Variants in ATP8A2 observed in about 807,000 individuals in gnomAD.
The protein encoded by ATP8A2 is phospholipid-transporting ATPase IB.
ATP8A2 carries 100 observed loss-of-function variants against 165.6 expected under a neutral mutation model. That is an observed-to-expected ratio of 0.60 (90% CI 0.51 to 0.71). The LOEUF is 0.71. Among genes scored for constraint, ATP8A2 ranks in the 30% least tolerant of loss-of-function variants. The pLI is 0.00. For missense variants in ATP8A2, 1,227 were observed against 1,479.5 expected (o/e 0.83, Z 2.80); for synonymous variants, 543 against 548.8 (o/e 0.99, Z 0.15).
intron 33 of ATP8A2, among the ~76,000 whole-genome samples, chr13:25,951,657 G>A (rs1955364861): frequency 6.6e-6 from 1 of 152,120 alleles, no homozygotes; most frequent in Non-Finnish European, 1.5e-5. Flanking sequence ...TCATCTTCCT[G>A]GGGGATGTAT....
chr13:25,545,840 G>T (rs2038633007), intron 10 of ATP8A2, among the ~76,000 whole-genome samples: 1 of 152,138 alleles, frequency 6.6e-6, no homozygotes, highest in Non-Finnish European at 1.5e-5. Context: ...TCACCATGTT[G>T]CCCAGGCTGG....
At chr13:25,861,669 G>A (rs769201206) in intron 32 of ATP8A2, among the ~76,000 whole-genome samples, 27 of 152,208 alleles carry the variant, frequency 1.8e-4, no homozygotes, top group Admixed American at 4.6e-4. Context: ...GTAGTGAGAA[G>A]TGGTCGGAGT....
At chr13:25,568,782 C>T (rs2039388080) in intron 16 of ATP8A2, among the ~76,000 whole-genome samples, 1 of 152,024 alleles carries the variant, frequency 6.6e-6, no homozygotes, top group South Asian at 2.1e-4. Context: ...TAGTTTACCA[C>T]AATACAAATT....
intron 24 of ATP8A2, among the ~76,000 whole-genome samples, chr13:25,683,702 TTTA>T (rs1209318462): frequency 1.3e-5 from 2 of 152,000 alleles, no homozygotes; most frequent in Non-Finnish European, 2.9e-5. Context: ...TTTTTTTTTT[TTTA>T]TTATGAGTCT....
intron 16 of ATP8A2, among the ~76,000 whole-genome samples, chr13:25,568,242 A>G (rs1311081816): frequency 6.6e-6 from 1 of 152,172 alleles, no homozygotes; most frequent in Non-Finnish European, 1.5e-5. Flanking sequence ...TACATTGCTA[A>G]CCAGTGTGTG....
At chr13:25,530,725 C>T (rs993942314) in intron 4 of ATP8A2, 65 bp downstream of exon 4, 8 of 1,007,394 alleles carry the variant, frequency 7.9e-6, no homozygotes, top group South Asian at 2.8e-5. Flanking sequence ...TGTGTTGCCT[C>T]GGGTGATATA....
At chr13:25,677,381 C>T (rs1428463042) in intron 24 of ATP8A2, among the ~76,000 whole-genome samples, 2 of 152,162 alleles carry the variant, frequency 1.3e-5, no homozygotes, top group Non-Finnish European at 2.9e-5. Context: ...TAAATGTGAA[C>T]TCTTTAGCCT....
chr13:25,732,841 A>G (rs2043681906), intron 25 of ATP8A2, among the ~76,000 whole-genome samples: 1 of 152,152 alleles, frequency 6.6e-6, no homozygotes, highest in African/African-American at 2.4e-5. Flanking sequence ...TTTGTCCCAC[A>G]GGTGTGAATA....
chr13:25,994,023 G>A (rs1956444469), intron 35 of ATP8A2, among the ~76,000 whole-genome samples: 1 of 152,108 alleles, frequency 6.6e-6, no homozygotes, highest in Non-Finnish European at 1.5e-5. Flanking sequence ...TCAGCATTGT[G>A]TAGCTTTTAG....
rs556064857 is a variant in ATP8A2, at chr13:25,668,024, A to C, written c.2212-31149A>C. 2.6e-5 allele frequency among the ~76,000 whole-genome samples: 4 copies of C among 152,190 alleles called. No homozygotes were observed. In the South Asian group the frequency reaches 8.3e-4, roughly 32 times the overall value. On this transcript the variant is annotated intron_variant, in intron 24 of 36. Transcript: ENST00000381655. ...ATTGTATTAATATAGATTTATAGTT[A>C]TTGTTTTGTGCACGAGTCTTTTAAA...
intron 19 of ATP8A2, among the ~76,000 whole-genome samples, chr13:25,576,389 G>A (rs2039618697): frequency 6.6e-6 from 1 of 152,086 alleles, no homozygotes; most frequent in Non-Finnish European, 1.5e-5. Flanking sequence ...GGTGAGTCCC[G>A]TGTGTGCTCG....
rs59431385 is a variant in ATP8A2 at position 25,591,133 on chromosome 13, ATGTG to A, written c.2211+1458_2211+1461del. On this transcript the variant is annotated intron_variant, in intron 24 of 36. Coordinates refer to ENST00000381655, the MANE Select transcript of ATP8A2 (RefSeq NM_016529.6). ...GGAACCTCTCATCATTGGAAATACTATGTGTGTGTGTGTGTGTGTGTGTGTGTAA... is the reference window on the plus strand; with the variant it reads ...GGAACCTCTCATCATTGGAAATACTATGTGTGTGTGTGTGTGTGTGTGTAA... The A allele has an allele frequency of 2.6e-3, 780 of 297,254 alleles. 4 individuals carry two copies. The highest frequency in any genetic ancestry group is 0.01 in the African/African-American group (444 of 44,204). 18.4% of individuals were successfully genotyped at this position (297,254 alleles called of 1,614,324 possible). A position where few individuals can be genotyped will look rare whatever the true frequency, so the allele number is the denominator to read the frequency against.
intron 24 of ATP8A2, among the ~76,000 whole-genome samples, chr13:25,629,542 T>G (rs1423008664): frequency 6.6e-6 from 1 of 152,212 alleles, no homozygotes; most frequent in East Asian, 1.9e-4. Context: ...CTTTATTTTA[T>G]TTGCTATTTA....
intron 28 of ATP8A2, among the ~76,000 whole-genome samples, chr13:25,834,734 G>A (rs1329676824): frequency 1.3e-5 from 2 of 152,192 alleles, no homozygotes; most frequent in African/African-American, 4.8e-5. Flanking sequence ...GAATGCAGTG[G>A]TGCAATCATA....
At chr13:25,510,587 G>A (rs563569797) in intron 2 of ATP8A2, among the ~76,000 whole-genome samples, 1 of 152,280 alleles carries the variant, frequency 6.6e-6, no homozygotes, top group Admixed American at 6.5e-5. Context: ...ACTCATGTTT[G>A]TTTCTTGTTA....
chr13:25,519,153 C>T (rs1465983861), intron 2 of ATP8A2, among the ~76,000 whole-genome samples: 1 of 152,204 alleles, frequency 6.6e-6, no homozygotes, highest in Non-Finnish European at 1.5e-5. Context: ...TGTCCCCTCC[C>T]TCTGCAAAGC....
At chr13:25,438,593 G>A (rs1403462493) in intron 1 of ATP8A2, among the ~76,000 whole-genome samples, 1 of 151,836 alleles carries the variant, frequency 6.6e-6, no homozygotes, top group East Asian at 1.9e-4. Context: ...ACGAGCTATG[G>A]TTGCACCAGT....
At chr13:25,466,919 G>A (rs1220662888) in intron 1 of ATP8A2, among the ~76,000 whole-genome samples, 1 of 152,202 alleles carries the variant, frequency 6.6e-6, no homozygotes, top group Non-Finnish European at 1.5e-5. Flanking sequence ...GGCAGGGTTA[G>A]TGGGCAGAGA....
At chr13:25,428,046 T>C (rs551040484) in intron 1 of ATP8A2, among the ~76,000 whole-genome samples, 5 of 152,210 alleles carry the variant, frequency 3.3e-5, no homozygotes, top group South Asian at 2.1e-4. Context: ...TAGCCAGGCA[T>C]GGTGATGTGC....
Sources: allele counts gnomAD v4.1 joint callset (sites outside exome capture counted in the v4.1 genomes callset), GRCh38; gene constraint gnomAD v4.1.1; transcripts MANE v1.5; gene names NCBI Gene and HGNC (gene_info 2026-07-23, HGNC 2026-07-21).